KCTD16: variants seen among roughly 807,000 people sequenced by gnomAD.
KCTD16 encodes BTB/POZ domain-containing protein KCTD16.
Under a neutral mutation model 33.2 loss-of-function variants are expected in KCTD16, and 13 were observed. The ratio of observed to expected loss-of-function variants is 0.39; its 90% CI spans 0.25 to 0.62. The LOEUF is 0.62. Among genes scored for constraint, KCTD16 ranks in the 20% least tolerant of loss-of-function variants. The pLI is 0.50. For synonymous variants in KCTD16, 197 were observed against 195.3 expected (o/e 1.01, Z -0.07); for missense variants, 441 against 525.1 (o/e 0.84, Z 1.57).
chr5:144,311,023 A>G (rs571410163), intron 3 of KCTD16, among the ~76,000 whole-genome samples: 1 of 152,290 alleles, frequency 6.6e-6, no homozygotes, highest in East Asian at 1.9e-4. Flanking sequence ...ATGCCCATTG[A>G]AGTCTGACCT....
chr5:144,280,663 G>A (rs1195359268), intron 3 of KCTD16, among the ~76,000 whole-genome samples: 1 of 152,192 alleles, frequency 6.6e-6, no homozygotes, highest in African/African-American at 2.4e-5. Flanking sequence ...AGTGGCTCAC[G>A]CCTGTAATCC....
intron 2 of KCTD16, among the ~76,000 whole-genome samples, chr5:144,194,015 A>G (rs1752894057): frequency 6.6e-6 from 1 of 152,194 alleles, no homozygotes; most frequent in Non-Finnish European, 1.5e-5. Flanking sequence ...GTGCTGGTAG[A>G]TCTCTGTAAA....
At chr5:144,458,756 C>T (rs1035537641) in intron 3 of KCTD16, among the ~76,000 whole-genome samples, 3 of 152,150 alleles carry the variant, frequency 2.0e-5, no homozygotes, top group Non-Finnish European at 4.4e-5. Context: ...AGGCTTTCCT[C>T]CTGTTCCTAA....
intron 3 of KCTD16, among the ~76,000 whole-genome samples, chr5:144,278,797 G>T (rs966087761): frequency 6.6e-6 from 1 of 152,032 alleles, no homozygotes; most frequent in Admixed American, 6.6e-5. Context: ...GTGCCTGGCC[G>T]TTAGTCTTCT....
intron 3 of KCTD16, among the ~76,000 whole-genome samples, chr5:144,454,773 T>C (rs1028653212): frequency 1.3e-4 from 20 of 152,284 alleles, no homozygotes; most frequent in Non-Finnish European, 2.2e-4. Flanking sequence ...AGTATCATTA[T>C]AGGTATGATG....
At chr5:144,310,580 A>G (rs1047702241) in intron 3 of KCTD16, among the ~76,000 whole-genome samples, 5 of 129,982 alleles carry the variant, frequency 3.8e-5, no homozygotes, top group Non-Finnish European at 8.2e-5. Context: ...GTAAAATATT[A>G]TATATTTTTT....
At chr5:144,230,870 A>T (rs1410933181) in intron 3 of KCTD16, among the ~76,000 whole-genome samples, 1 of 152,244 alleles carries the variant, frequency 6.6e-6, no homozygotes, top group Non-Finnish European at 1.5e-5. Flanking sequence ...GGCAGACAAC[A>T]CAAGGAACAG....
At chr5:144,313,813 T>C (rs1751834236) in intron 3 of KCTD16, among the ~76,000 whole-genome samples, 1 of 152,164 alleles carries the variant, frequency 6.6e-6, no homozygotes, top group Non-Finnish European at 1.5e-5. Context: ...TGCAGTGGTG[T>C]TATCAGTATT....
intron 3 of KCTD16, among the ~76,000 whole-genome samples, chr5:144,378,650 T>C (rs1752145181): frequency 6.6e-6 from 1 of 152,210 alleles, no homozygotes; most frequent in Non-Finnish European, 1.5e-5. Flanking sequence ...TTGTGTAATT[T>C]AAATAAGATG....
chr5:144,223,908 T>A (rs1753842295), intron 3 of KCTD16, among the ~76,000 whole-genome samples: 1 of 152,078 alleles, frequency 6.6e-6, no homozygotes, highest in Non-Finnish European at 1.5e-5. Context: ...TGGTGGTCCT[T>A]GGGGCAATTC....
rs754413647 is a variant in KCTD16 at position 144,482,931 on chromosome 5, G to C, written c.*8817G>C. 1.3e-5 allele frequency: 2 copies of C among 151,430 alleles called. No individual in the cohort carries two copies. Among genetic ancestry groups the C allele is most frequent in the Non-Finnish European group, 2.9e-5 (2 of 67,816 alleles). 9.4% of individuals were successfully genotyped at this position (151,430 alleles called of 1,614,324 possible). On this transcript the variant is annotated 3_prime_UTR_variant, in exon 4 of 4. Transcript: ENST00000512467. Reference sequence around the variant, plus strand: ...TTGGTTTCCTAGACGGTCTAATATAGTTCTAATTTCCAAAATTCTCTTCCA... The same window carrying C: ...TTGGTTTCCTAGACGGTCTAATATACTTCTAATTTCCAAAATTCTCTTCCA...
At chr5:144,199,202 A>C (rs2126784530) in intron 2 of KCTD16, among the ~76,000 whole-genome samples, 1 of 152,336 alleles carries the variant, frequency 6.6e-6, no homozygotes, top group South Asian at 2.1e-4. Flanking sequence ...GTTGCATATT[A>C]TGGAATGACA....
chr5:144,237,042 G>A (rs1264983274), intron 3 of KCTD16, among the ~76,000 whole-genome samples: 1 of 152,024 alleles, frequency 6.6e-6, no homozygotes, highest in African/African-American at 2.4e-5. Flanking sequence ...GTTCTAGATG[G>A]TTGGAAATAC....
At position 144,434,806 on chromosome 5, in the gene KCTD16, G is replaced by C. The variant is rs75646593; in HGVS notation, c.833-38854G>C. ...GTGAAACACTTTTCTTTCCTGTAGC[G>C]CAAATACAATTGTGACACTGTGGGA... On this transcript the variant is annotated intron_variant, in intron 3 of 3. Transcript: ENST00000512467. Among the ~76,000 whole-genome samples, 555 of 152,232 alleles carry C rather than the reference G, an allele frequency of 3.6e-3. 4 individuals are homozygous for C. The highest frequency in any genetic ancestry group is 0.013 in the African/African-American group (533 of 41,546).
chr5:144,471,472 A>C (rs536532315), intron 3 of KCTD16, among the ~76,000 whole-genome samples: 1 of 152,216 alleles, frequency 6.6e-6, no homozygotes, highest in East Asian at 1.9e-4. Flanking sequence ...CAATTTCTAC[A>C]CTTTTCCAAA....
chr5:144,276,127 T>A (rs761866969), intron 3 of KCTD16, among the ~76,000 whole-genome samples: 1 of 152,200 alleles, frequency 6.6e-6, no homozygotes, highest in African/African-American at 2.4e-5. Flanking sequence ...CCTTAAACCC[T>A]TCTCTTCTCC....
At chr5:144,357,022 C>G (rs936402713) in intron 3 of KCTD16, among the ~76,000 whole-genome samples, 3 of 151,926 alleles carry the variant, frequency 2.0e-5, no homozygotes, top group Non-Finnish European at 4.4e-5. Context: ...AACAGTAATA[C>G]TTAGAAGTTT....
intron 3 of KCTD16, among the ~76,000 whole-genome samples, chr5:144,325,257 G>A (rs1440648169): frequency 1.3e-5 from 2 of 152,092 alleles, no homozygotes; most frequent in Non-Finnish European, 2.9e-5. Flanking sequence ...AATAGTTCAA[G>A]CTACCCTTGT....
chr5:144,247,249 G>A (rs1754575328), intron 3 of KCTD16, among the ~76,000 whole-genome samples: 1 of 152,232 alleles, frequency 6.6e-6, no homozygotes, highest in South Asian at 2.1e-4. Flanking sequence ...TCCAAGACTG[G>A]GTAATGAAAG....
Sources: gnomAD v4.1 joint callset for allele counts (sites outside exome capture counted in the v4.1 genomes callset) on GRCh38, gnomAD v4.1.1 for gene constraint, MANE v1.5 for transcripts, NCBI Gene and HGNC (gene_info 2026-07-23, HGNC 2026-07-21) for gene names.